The following RAPGEF1 variants were observed in gnomAD, a reference collection of about 807,000 sequenced individuals.
RAPGEF1 encodes Rap guanine nucleotide exchange factor 1.
In RAPGEF1, 33 loss-of-function variants were observed where a neutral mutation model predicts 143.3. The observed-to-expected ratio is 0.23, with a 90% confidence interval of 0.17 to 0.31. The LOEUF (loss-of-function observed/expected upper bound fraction) is 0.31, where lower values mean the gene tolerates loss of function less well. RAPGEF1 is among the 10% of genes least tolerant of loss of function. RAPGEF1 has a pLI of 1.00. For missense variants in RAPGEF1, 1,199 were observed against 1,645.4 expected, an observed-to-expected ratio of 0.73 and a Z score of 4.69; for synonymous variants, 629 against 676.5, an observed-to-expected ratio of 0.93 and a Z score of 1.09.
rs1404776119 is a variant in RAPGEF1, at chr9:131,584,117, G to A, written c.3414+194C>T. Among the ~76,000 whole-genome samples the A allele has an allele frequency of 6.6e-6, 1 of 152,198 alleles. No individual in the cohort carries two copies. Among genetic ancestry groups the A allele is most frequent in the African/African-American group, 2.4e-5 (1 of 41,466 alleles). ...AGAACCAACCTCGAAGCTCCCGGGG[G>A]CCTGAAGATTGGGGATCAGAGACAG... On this transcript the variant is annotated intron_variant, in intron 24 of 26. Coordinates refer to ENST00000683357, the MANE Select transcript of RAPGEF1 (RefSeq NM_001377935.1). The surrounding 1 kb of genome is among the most constrained non-coding windows in gnomAD (Gnocchi z 6.8).
intron 3 of RAPGEF1, among the ~76,000 whole-genome samples, chr9:131,649,252 G>A (rs1170815527): frequency 1.1e-5 from 1 of 93,764 alleles, no homozygotes; most frequent in Non-Finnish European, 2.0e-5. Context: ...ACGGAGTTTT[G>A]TCATGTTGGC....
intron 1 of RAPGEF1, among the ~76,000 whole-genome samples, chr9:131,689,150 A>G (rs1481190478): frequency 4.6e-5 from 7 of 152,250 alleles, no homozygotes; most frequent in Non-Finnish European, 1.0e-4. Flanking sequence ...TGAAATATAA[A>G]GAATCATATT....
At chr9:131,595,403 CAT>C (rs1168111622) in intron 17 of RAPGEF1, among the ~76,000 whole-genome samples, 2 of 152,264 alleles carry the variant, frequency 1.3e-5, no homozygotes, top group African/African-American at 2.4e-5. Flanking sequence ...CTCTGGGTCA[CAT>C]GTTTTGGGAA....
chr9:131,717,166 C>T (rs1302624591), intron 1 of RAPGEF1, among the ~76,000 whole-genome samples: 2 of 152,230 alleles, frequency 1.3e-5, no homozygotes, highest in African/African-American at 4.8e-5. Context: ...CCTCAGCCTC[C>T]AGGCTGTGAT....
At chr9:131,643,213 C>T (rs777054268) in intron 4 of RAPGEF1, 26 bp downstream of exon 4, 7 of 1,589,524 alleles carry the variant, frequency 4.4e-6, no homozygotes, top group East Asian at 2.2e-5. Context: ...TGTTCTGACA[C>T]AGCCAAAGAC....
intron 7 of RAPGEF1, 89 bp downstream of exon 7, chr9:131,629,013 C>G: frequency 4.0e-6 from 6 of 1,509,946 alleles, no homozygotes; most frequent in Non-Finnish European, 5.3e-6. Flanking sequence ...AAGCCCTCAG[C>G]GCTGAGGGGA....
At position 131,628,128 on chromosome 9, in the gene RAPGEF1, C is replaced by A; in HGVS notation, c.1018-32G>T. 1.3e-6 allele frequency: 2 copies of A among 1,492,352 alleles called. No individual in the cohort carries two copies. Among genetic ancestry groups the A allele is most frequent in the Admixed American group, 2.2e-5 (1 of 45,578 alleles). 92.4% of individuals were successfully genotyped at this position (1,492,352 alleles called of 1,614,324 possible). On this transcript the variant is annotated intron_variant, in intron 8 of 26. Coordinates refer to ENST00000683357, the MANE Select transcript of RAPGEF1 (RefSeq NM_001377935.1). This position sits in a 1 kb window ranked among gnomAD's most constrained non-coding sequence, Gnocchi z 5.7. ...TGGAAAAAGAAAAACAAAGCCAAAT[C>A]ACTTCTGAGAAACGGTGGCACAGAC...
chr9:131,714,511 C>A (rs2131234708), intron 1 of RAPGEF1, among the ~76,000 whole-genome samples: 1 of 152,128 alleles, frequency 6.6e-6, no homozygotes, highest in African/African-American at 2.4e-5. Context: ...TGATGTTGGT[C>A]ACTTCCCTCC....
Position 131,579,308 on chromosome 9 carries a change from C to G in RAPGEF1, c.*189G>C. ...CTGCCCTGAGGCCCACGGGTCTGCT[C>G]CCACAGAGGAAGGAGGCAGGAAGCG... is the stretch of plus-strand genomic sequence containing the variant. On this transcript the variant is annotated 3_prime_UTR_variant, in exon 27 of 27. Coordinates refer to ENST00000683357, the MANE Select transcript of RAPGEF1 (RefSeq NM_001377935.1). 1.3e-6 allele frequency: 1 copy of G among 751,938 alleles called. No individual in the cohort carries two copies. Among genetic ancestry groups the G allele is most frequent in the South Asian group, 1.8e-5 (1 of 55,096 alleles). 46.6% of individuals were successfully genotyped at this position (751,938 alleles called of 1,614,324 possible). A position where few individuals can be genotyped will look rare whatever the true frequency, so the allele number is the denominator to read the frequency against.
At chr9:131,678,714 G>C (rs1274357120) in intron 1 of RAPGEF1, among the ~76,000 whole-genome samples, 1 of 152,212 alleles carries the variant, frequency 6.6e-6, no homozygotes, top group Non-Finnish European at 1.5e-5. Context: ...TGCCCACAGG[G>C]ACTGTCAGCA....
chr9:131,682,140 T>C (rs1832966386), intron 1 of RAPGEF1, among the ~76,000 whole-genome samples: 1 of 152,042 alleles, frequency 6.6e-6, no homozygotes, highest in Non-Finnish European at 1.5e-5. Context: ...GTTTTAACTG[T>C]GGGAAGCATG....
intron 14 of RAPGEF1, among the ~76,000 whole-genome samples, chr9:131,603,181 C>A (rs868400243): frequency 1.3e-5 from 2 of 152,090 alleles, no homozygotes; most frequent in Admixed American, 6.5e-5. Context: ...ACCACCTGAA[C>A]GGGTGTGACC....
At chr9:131,654,261 T>C (rs1192872632) in intron 1 of RAPGEF1, among the ~76,000 whole-genome samples, 3 of 151,972 alleles carry the variant, frequency 2.0e-5, no homozygotes, top group Non-Finnish European at 4.4e-5. Flanking sequence ...TGTACCCTTT[T>C]TGAATGAATT....
intron 13 of RAPGEF1, among the ~76,000 whole-genome samples, chr9:131,604,728 T>C (rs1423599618): frequency 1.3e-5 from 2 of 152,218 alleles, no homozygotes; most frequent in Admixed American, 6.5e-5. Context: ...TGGAAACACA[T>C]GGGCTCCCAT....
intron 14 of RAPGEF1, 55 bp from the exon 15 acceptor site, chr9:131,602,204 C>T: frequency 7.4e-7 from 1 of 1,354,438 alleles, no homozygotes; most frequent in Non-Finnish European, 1.0e-6. Flanking sequence ...CGGGGCTGCT[C>T]TGTCTTCCCA....
Position 131,677,701 on chromosome 9 carries a change from C to G in RAPGEF1, c.62-26752G>C, listed in dbSNP as rs768095170. Among the ~76,000 whole-genome samples the G allele has an allele frequency of 2.6e-5, 4 of 152,224 alleles. No homozygotes were observed. The South Asian group carries it at 8.3e-4, about 32-fold the overall frequency. ...GGACTAAAATTAGCTTCCTCCCTTA[C>G]GCTTAAGGGTCTTACTAAAAACATC... On this transcript the variant is annotated intron_variant, in intron 1 of 26. Coordinates refer to ENST00000683357, the MANE Select transcript of RAPGEF1 (RefSeq NM_001377935.1).
chr9:131,695,367 C>T (rs1053119599), intron 1 of RAPGEF1, among the ~76,000 whole-genome samples: 3 of 152,158 alleles, frequency 2.0e-5, no homozygotes, highest in Admixed American at 6.5e-5. Flanking sequence ...GCAGGCCACA[C>T]GATAGAGGTC....
chr9:131,699,471 C>A (rs1376616052), intron 1 of RAPGEF1, among the ~76,000 whole-genome samples: 1 of 152,060 alleles, frequency 6.6e-6, no homozygotes, highest in Non-Finnish European at 1.5e-5. Context: ...CTCAAACTCC[C>A]GACCTTAGGT....
rs1588582063 is a variant in RAPGEF1 at position 131,628,623 on chromosome 9, T to A, written c.943A>T (p.Thr315Ser). The A allele has an allele frequency of 3.7e-6, 6 of 1,612,554 alleles. No individual in the cohort carries two copies. The highest frequency in any genetic ancestry group is 5.1e-6 in the Non-Finnish European group (6 of 1,178,888). ...PKKRQSAPSP[T>S]RVAVVAPMSR... ...ATGGGGGCCACCACAGCCACTCGGG[T>A]AGGGGACGGCGCCGACTGTCTTTTC... The change falls in exon 8 of 27, where the codon ACC becomes TCC. Residue 315 changes from threonine (T) to serine (S), a missense_variant. Thr to Ser is a moderately conservative substitution (Grantham distance 58). Around this residue, in one of 6 missense-constraint regions of RAPGEF1, gnomAD observed 613 missense variants for 710.9 expected, o/e 0.86. Coordinates refer to ENST00000683357, the MANE Select transcript of RAPGEF1 (RefSeq NM_001377935.1). This position sits in a 1 kb window ranked among gnomAD's most constrained non-coding sequence, Gnocchi z 5.7.
Sources: gnomAD v4.1 joint callset for allele counts (sites outside exome capture counted in the v4.1 genomes callset) on GRCh38, gnomAD v4.1.1 for gene constraint, gnomAD v4.1.1 regional missense constraint, Gnocchi (gnomAD v3.1) non-coding constraint, MANE v1.5 for transcripts, NCBI Gene and HGNC (gene_info 2026-07-23, HGNC 2026-07-21) for gene names.